Variants in RNF111 observed in about 807,000 individuals in gnomAD.
RNF111 encodes ring finger protein 111, also known as E3 ubiquitin-protein ligase Arkadia.
RNF111 carries 17 observed loss-of-function variants against 95.1 expected under a neutral mutation model. That is an observed-to-expected ratio of 0.18 (90% CI 0.12 to 0.27). RNF111 has a LOEUF of 0.27. RNF111 is among the 10% of genes least tolerant of loss of function. The probability of loss-of-function intolerance (pLI) is 1.00; values close to 1 mark genes in which losing one functional copy is unlikely to be tolerated. For missense variants in RNF111, 1,189 were observed against 1,210.4 expected (o/e 0.98, Z 0.26); for synonymous variants, 440 against 414.8 (o/e 1.06, Z -0.74).
intron 7 of RNF111, among the ~76,000 whole-genome samples, chr15:59,077,351 T>C (rs562606016): frequency 6.6e-6 from 1 of 152,322 alleles, no homozygotes; most frequent in South Asian, 2.1e-4. Flanking sequence ...ATTCATTTGT[T>C]ATATTCTAAA....
chr15:59,013,757 T>C (rs1468429285), intron 1 of RNF111, among the ~76,000 whole-genome samples: 1 of 152,314 alleles, frequency 6.6e-6, no homozygotes, highest in East Asian at 1.9e-4. Context: ...GGAAGATTTA[T>C]TTATATCAGT....
intron 2 of RNF111, among the ~76,000 whole-genome samples, chr15:59,036,112 G>A (rs1731146727): frequency 6.6e-6 from 1 of 151,996 alleles, no homozygotes; most frequent in African/African-American, 2.4e-5. Flanking sequence ...TTACTCTGTG[G>A]CCCAGGCTGC....
intron 2 of RNF111, among the ~76,000 whole-genome samples, chr15:59,051,024 A>G (rs1596205409): frequency 2.0e-5 from 3 of 152,340 alleles, no homozygotes; most frequent in Admixed American, 1.3e-4. Flanking sequence ...TGTCATAACA[A>G]AAATCAGTTC....
At chr15:59,085,010 C>T (rs537980222) in intron 9 of RNF111, among the ~76,000 whole-genome samples, 2 of 152,262 alleles carry the variant, frequency 1.3e-5, no homozygotes, top group African/African-American at 2.4e-5. Flanking sequence ...GGAAATTTAG[C>T]CTGCCTTCTC....
chr15:58,994,644 A>G (rs1452197583), intron 1 of RNF111, among the ~76,000 whole-genome samples: 4 of 149,362 alleles, frequency 2.7e-5, no homozygotes, highest in Non-Finnish European at 6.0e-5. Flanking sequence ...CGTCCAGCTA[A>G]TTTTTGTATT....
intron 8 of RNF111, among the ~76,000 whole-genome samples, chr15:59,082,476 G>A (rs1182896491): frequency 2.6e-5 from 4 of 152,194 alleles, no homozygotes; most frequent in African/African-American, 9.6e-5. Flanking sequence ...TGTACTTCAA[G>A]TTTATGAAAA....
intron 2 of RNF111, among the ~76,000 whole-genome samples, chr15:59,035,567 C>T (rs1484108533): frequency 6.6e-6 from 1 of 152,150 alleles, no homozygotes; most frequent in Non-Finnish European, 1.5e-5. Flanking sequence ...AATGGGTTTC[C>T]TTTTTTATCA....
At chr15:59,016,867 G>C (rs951525868) in intron 1 of RNF111, among the ~76,000 whole-genome samples, 15 of 152,046 alleles carry the variant, frequency 9.9e-5, no homozygotes, top group Non-Finnish European at 2.1e-4. Context: ...TCTGCTTCCT[G>C]TCAGATCAGC....
chr15:59,094,248 T>C (rs2079134860), intron 13 of RNF111, among the ~76,000 whole-genome samples: 2 of 152,206 alleles, frequency 1.3e-5, no homozygotes, highest in East Asian at 3.8e-4. Context: ...TTAAGTTTAA[T>C]GTGTAAAGAT....
At chr15:59,061,429 A>G (rs1451363260) in intron 5 of RNF111, among the ~76,000 whole-genome samples, 2 of 152,200 alleles carry the variant, frequency 1.3e-5, no homozygotes, top group South Asian at 4.1e-4. Flanking sequence ...TCTGTAGGAA[A>G]TCACCATTGT....
At chr15:59,069,677 G>C (rs973288798) in intron 6 of RNF111, among the ~76,000 whole-genome samples, 6 of 152,160 alleles carry the variant, frequency 3.9e-5, no homozygotes, top group African/African-American at 9.7e-5. Flanking sequence ...AAGGTAAAGA[G>C]AGTGAGATTT....
Position 59,002,106 on chromosome 15 carries a change from G to GT in RNF111, c.-20+14044dup, listed in dbSNP as rs200085319. ...AGCTTGTGAGCTGTTTATTTCTAGA[G>GT]TTTTTTCTTTAATATTTTTGGACCA... On this transcript the variant is annotated intron_variant, in intron 1 of 13. Transcript: ENST00000348370. 4.6e-3 allele frequency among the ~76,000 whole-genome samples: 700 copies of GT among 152,250 alleles called. 5 individuals carry two copies. The highest frequency in any genetic ancestry group is 0.016 in the African/African-American group (667 of 41,548).
intron 1 of RNF111, among the ~76,000 whole-genome samples, chr15:58,992,851 T>C (rs2038879452): frequency 6.6e-6 from 1 of 151,562 alleles, no homozygotes; most frequent in African/African-American, 2.4e-5. Context: ...TAAAATAAAA[T>C]AATATATTTT....
chr15:59,076,004 T>C lies in RNF111; in HGVS notation c.1737T>C (p.Ser579=). ...ACAGTGGTATCAGAAGTCATGGAAG[T>C]GGCAGTTTTCATGGAGCATCTGCAT... ...LSNSGIRSHG[S]GSFHGASAFD... Residue 579 remains serine, a synonymous_variant, in exon 7 of 14, where the codon AGT becomes AGC. Transcript: ENST00000348370. 3 of 1,614,144 alleles carry C rather than the reference T, an allele frequency of 1.9e-6. No homozygotes were observed.
chr15:59,071,655 A>T (rs1285525448), intron 6 of RNF111, among the ~76,000 whole-genome samples: 1 of 151,900 alleles, frequency 6.6e-6, no homozygotes, highest in African/African-American at 2.4e-5. Context: ...AGATTGTGCC[A>T]CTGCACTCCA....
chr15:58,998,117 C>G (rs1596029875), intron 1 of RNF111, among the ~76,000 whole-genome samples: 3 of 151,922 alleles, frequency 2.0e-5, no homozygotes, highest in Admixed American at 6.6e-5. Context: ...GTTGGTGAGG[C>G]TGGTCTCGAT....
chr15:59,001,870 C>T (rs948768525), intron 1 of RNF111, among the ~76,000 whole-genome samples: 3 of 152,056 alleles, frequency 2.0e-5, no homozygotes, highest in Non-Finnish European at 2.9e-5. Context: ...ACATGCATAC[C>T]TATTATAAAG....
chr15:58,988,818 T>G (rs1171279347), intron 1 of RNF111, among the ~76,000 whole-genome samples: 1 of 152,222 alleles, frequency 6.6e-6, no homozygotes, highest in Admixed American at 6.5e-5. Context: ...TGTTGTAAGC[T>G]TTCCTGTTTC....
chr15:59,027,213 C>A (rs2040659120), intron 1 of RNF111, among the ~76,000 whole-genome samples: 1 of 152,090 alleles, frequency 6.6e-6, no homozygotes, highest in Non-Finnish European at 1.5e-5. Flanking sequence ...ATCTTCAGCC[C>A]ATAAAGACTC....
Sources: allele counts gnomAD v4.1 joint callset (sites outside exome capture counted in the v4.1 genomes callset), GRCh38; gene constraint gnomAD v4.1.1; transcripts MANE v1.5; gene names NCBI Gene and HGNC (gene_info 2026-07-23, HGNC 2026-07-21).